NCAN: variants seen among roughly 807,000 people sequenced by gnomAD.
The protein encoded by NCAN is neurocan core protein.
Under a neutral mutation model 121.8 loss-of-function variants are expected in NCAN, and 47 were observed. The ratio of observed to expected loss-of-function variants is 0.39; its 90% CI spans 0.31 to 0.49. The LOEUF is 0.49. Among genes scored for constraint, NCAN ranks in the 20% least tolerant of loss-of-function variants. NCAN has a pLI of 0.92. For synonymous variants in NCAN, 633 were observed against 702.0 expected, an observed-to-expected ratio of 0.90 and a Z score of 1.55; for missense variants, 1,517 against 1,773.4, an observed-to-expected ratio of 0.86 and a Z score of 2.60.
At chr19:19,224,948 C>A in intron 5 of NCAN, 29 bp from the exon 6 acceptor site, 1 of 1,385,276 alleles carries the variant, frequency 7.2e-7, no homozygotes. Flanking sequence ...TTCCCCAGCC[C>A]CCCTGACCTC....
At position 19,251,625 on chromosome 19, in the gene NCAN, C is replaced by A. The variant is rs560443219; in HGVS notation, c.*1714C>A. ...GAGCCAACTCCCATCTTGGTTCTGACCCAAATCCTGCTCTGGACTCTGGAG... is the reference window on the plus strand; with the variant it reads ...GAGCCAACTCCCATCTTGGTTCTGAACCAAATCCTGCTCTGGACTCTGGAG... On this transcript the variant is annotated 3_prime_UTR_variant, in exon 15 of 15. Transcript: ENST00000252575. The A allele has an allele frequency of 1.9e-4, 29 of 152,246 alleles. No individual in the cohort carries two copies. The highest frequency in any genetic ancestry group is 6.5e-4 in the African/African-American group (27 of 41,536). 9.4% of individuals were successfully genotyped at this position (152,246 alleles called of 1,614,324 possible).
rs1213795436 is a variant in NCAN at position 19,225,045 on chromosome 19, C to T, written c.847C>T (p.Gln283Ter). The T allele has an allele frequency of 1.3e-6, 2 of 1,506,542 alleles. No homozygotes were observed. Among genetic ancestry groups the T allele is most frequent in the Non-Finnish European group, 1.8e-6 (2 of 1,135,434 alleles). 93.3% of individuals were successfully genotyped at this position (1,506,542 alleles called of 1,614,324 possible). The change falls in exon 6 of 15, where the codon CAG becomes TAG. Residue 283 changes from glutamine to a stop codon, truncating the protein, a stop_gained. Coordinates refer to ENST00000252575, the MANE Select transcript of NCAN (RefSeq NM_004386.3). LOFTEE classifies it high-confidence loss of function. The surrounding 1 kb of genome is among the most constrained non-coding windows in gnomAD (Gnocchi z 4.0). ...CGGCGCGCGTGCACAGTGCCGCCGC[C>T]AGGGTGCCGCGCTGGCCTCGGTGGG... is the stretch of plus-strand genomic sequence containing the variant. ...LAGARAQCRR[Q>*]GAALASVGQL...
In NCAN at chr19:19,233,786, C is replaced by T. The variant is rs778411514; in HGVS notation, c.3020-3C>T. ...TTCCCCACACTACCCATCCATCCTG[C>T]AGTGCACTCAGATCCCTGTGAGAAC... On this transcript the variant is annotated splice_region_variant and splice_polypyrimidine_tract_variant and intron_variant, in intron 8 of 14. Transcript: ENST00000252575. 64 of 1,585,604 alleles carry T rather than the reference C, an allele frequency of 4.0e-5. No individual in the cohort carries two copies. The highest frequency in any genetic ancestry group is 5.4e-5 in the Non-Finnish European group (62 of 1,154,070).
chr19:19,223,995 C>G, intron 3 of NCAN, 26 bp from the exon 4 acceptor site: 1 of 1,497,594 alleles, frequency 6.7e-7, no homozygotes, highest in Non-Finnish European at 8.9e-7. Flanking sequence ...GTCAACTGTC[C>G]CCCCATCCTG....
intron 8 of NCAN, among the ~76,000 whole-genome samples, chr19:19,229,584 CT>C (rs1309429428): frequency 1.3e-5 from 2 of 152,170 alleles, no homozygotes; most frequent in Non-Finnish European, 2.9e-5. Context: ...CGCCGCTTGG[CT>C]AATCAGTGGT....
chr19:19,227,402 T>A lies in NCAN; in HGVS notation c.1782T>A (p.Ser594Arg). ...VLELEKAEGP[S>R]ARPATPDLFW... ...AGCTAGAGAAAGCCGAGGGCCCCAGTGCCAGGCCAGCCACCCCAGACCTGT... is the reference window on the plus strand; with the variant it reads ...AGCTAGAGAAAGCCGAGGGCCCCAGAGCCAGGCCAGCCACCCCAGACCTGT... Residue 594 changes from serine to arginine, a missense_variant, in exon 8 of 15, where the codon AGT becomes AGA. Coordinates refer to ENST00000252575, the MANE Select transcript of NCAN (RefSeq NM_004386.3). The surrounding 1 kb of genome is among the most constrained non-coding windows in gnomAD (Gnocchi z 4.2). The A allele has an allele frequency of 6.2e-7, 1 of 1,613,608 alleles. No homozygotes were observed. Among genetic ancestry groups the A allele is most frequent in the African/African-American group, 1.3e-5 (1 of 75,006 alleles).
Position 19,227,558 on chromosome 19 carries a change from C to G in NCAN, c.1938C>G (p.His646Gln), listed in dbSNP as rs200427306. 4.3e-6 allele frequency: 7 copies of G among 1,613,868 alleles called. No individual in the cohort carries two copies. The Admixed American group carries it at 1.2e-4, about 27-fold the overall frequency. The change falls in exon 8 of 15, where the codon CAC (histidine) becomes CAG (glutamine). Residue 646 changes from histidine to glutamine, a missense_variant. His to Gln is a conservative substitution (Grantham distance 24). Coordinates refer to ENST00000252575, the MANE Select transcript of NCAN (RefSeq NM_004386.3). This position sits in a 1 kb window ranked among gnomAD's most constrained non-coding sequence, Gnocchi z 4.2. Reference sequence around the variant, plus strand: ...GTCCCAAAGAGTGGATGCTACCACACCCCACCCCCATCTCCACCGAGGCCA... The same window carrying G: ...GTCCCAAAGAGTGGATGCTACCACAGCCCACCCCCATCTCCACCGAGGCCA... ...LRGPKEWMLP[H>Q]PTPISTEANR...
chr19:19,214,269 C>T (rs1419014917), intron 1 of NCAN, among the ~76,000 whole-genome samples: 1 of 152,170 alleles, frequency 6.6e-6, no homozygotes, highest in Non-Finnish European at 1.5e-5. Context: ...AGCTGCCCCT[C>T]CTCCAGCACC....
intron 3 of NCAN, among the ~76,000 whole-genome samples, chr19:19,221,959 C>T (rs955157959): frequency 1.3e-5 from 2 of 152,102 alleles, no homozygotes; most frequent in Non-Finnish European, 2.9e-5. Flanking sequence ...AGTAGATGCT[C>T]AATAAATGAC....
intron 3 of NCAN, among the ~76,000 whole-genome samples, chr19:19,219,873 A>AAAG (rs2060810074): frequency 6.6e-6 from 1 of 150,560 alleles, no homozygotes; most frequent in Non-Finnish European, 1.5e-5. Context: ...AAAAAAAAAA[A>AAAG]AAAATTAGCC....
In NCAN at chr19:19,246,286, C is replaced by T. The variant is rs138405918; in HGVS notation, c.3637+829C>T. On this transcript the variant is annotated intron_variant, in intron 13 of 14. Transcript: ENST00000252575. Reference sequence around the variant, plus strand: ...CTCCTGACCTCAGGTGATCCACCCACCTCGGCCTCCCAAAGGGCAGGGATT... The same window carrying T: ...CTCCTGACCTCAGGTGATCCACCCATCTCGGCCTCCCAAAGGGCAGGGATT... Among the ~76,000 whole-genome samples the T allele has an allele frequency of 8.3e-3, 1,255 of 152,092 alleles. 8 individuals carry two copies. The highest frequency in any genetic ancestry group is 0.012 in the Non-Finnish European group (809 of 67,968).
intron 3 of NCAN, among the ~76,000 whole-genome samples, chr19:19,222,836 C>T (rs1350112040): frequency 4.6e-5 from 7 of 151,650 alleles, no homozygotes; most frequent in African/African-American, 1.7e-4. Flanking sequence ...GGGCCGGGCG[C>T]GGTGGCTCAT....
chr19:19,238,563 A>G, intron 11 of NCAN, 152 bp downstream of exon 11: 1 of 798,024 alleles, frequency 1.3e-6, no homozygotes, highest in Non-Finnish European at 2.0e-6. Context: ...ACTGCTTCTT[A>G]ATGCATGAAA....
chr19:19,250,860 C>A lies in NCAN; in HGVS notation c.*949C>A. 1 of 157,424 alleles carries A rather than the reference C, an allele frequency of 6.4e-6. No individual in the cohort carries two copies. Among genetic ancestry groups the A allele is most frequent in the East Asian group, 1.6e-4 (1 of 6,144 alleles). The allele number at this position is 157,424 out of a possible 1,614,324, so 9.8% of individuals were successfully genotyped here. ...GGTCCCACTCCTGCCCCACCCCACC[C>A]TTGTCCCTGGCCATTGCCTGGTGGT... On this transcript the variant is annotated 3_prime_UTR_variant, in exon 15 of 15. Coordinates refer to ENST00000252575, the MANE Select transcript of NCAN (RefSeq NM_004386.3).
intron 12 of NCAN, 53 bp from the exon 13 acceptor site, chr19:19,245,260 C>G: frequency 6.3e-7 from 1 of 1,598,646 alleles, no homozygotes; most frequent in Non-Finnish European, 8.5e-7. Flanking sequence ...ATTGCCAGAA[C>G]CTGGGCTGGA....
chr19:19,219,743 A>T (rs577140053), intron 3 of NCAN, among the ~76,000 whole-genome samples: 3 of 149,824 alleles, frequency 2.0e-5, no homozygotes, highest in African/African-American at 7.4e-5. Flanking sequence ...CTTCTGATAA[A>T]GTCCTAAAGT....
chr19:19,217,128 G>C (rs1035791545), intron 2 of NCAN, 102 bp downstream of exon 2: 12 of 803,600 alleles, frequency 1.5e-5, no homozygotes, highest in Non-Finnish European at 2.1e-5. Flanking sequence ...TCCTGGCATG[G>C]GCTAGAGAAT....
Position 19,218,966 on chromosome 19 carries a change from T to C in NCAN, c.125T>C (p.Leu42Pro). The C allele has an allele frequency of 1.3e-6, 2 of 1,537,902 alleles. No homozygotes were observed. The highest frequency in any genetic ancestry group is 2.3e-5 in the East Asian group (1 of 43,800). ...ASERGLHMQK[L>P]GSGSVQAALA... ...GAAAGGGGGCTCCACATGCAGAAGC[T>C]GGGGTCTGGGTCAGTGCAGGCTGCG... Residue 42 changes from leucine (L) to proline (P), a missense_variant, in exon 3 of 15, where the codon CTG (leucine) becomes CCG (proline). Transcript: ENST00000252575.
At chr19:19,244,501 G>T (rs1158938676) in intron 12 of NCAN, among the ~76,000 whole-genome samples, 3 of 151,628 alleles carry the variant, frequency 2.0e-5, no homozygotes, top group Non-Finnish European at 4.4e-5. Context: ...GAGAGACAGG[G>T]TTTCACCTTG....
Sources: allele counts gnomAD v4.1 joint callset (sites outside exome capture counted in the v4.1 genomes callset), GRCh38; gene constraint gnomAD v4.1.1; non-coding constraint Gnocchi (gnomAD v3.1); transcripts MANE v1.5; gene names NCBI Gene and HGNC (gene_info 2026-07-23, HGNC 2026-07-21).